DRC11: variants seen among roughly 807,000 people sequenced by gnomAD.
DRC11 encodes the protein IQ and AAA domain-containing protein 1.
the DRC11 span, among the ~76,000 whole-genome samples, chr2:236,487,525 A>G: frequency 6.6e-6 from 1 of 151,996 alleles, no homozygotes; most frequent in African/African-American, 2.4e-5. Flanking sequence ...AAAATGGGGC[A>G]CAAATCCATG....
the DRC11 span, among the ~76,000 whole-genome samples, chr2:236,373,201 CTCTT>C: frequency 6.7e-6 from 1 of 150,234 alleles, no homozygotes; most frequent in South Asian, 2.1e-4. Context: ...CTGGGTTTTA[CTCTT>C]TCTATTTTAT....
At chr2:236,427,425 G>GT in the DRC11 span, among the ~76,000 whole-genome samples, 2 of 152,096 alleles carry the variant, frequency 1.3e-5, no homozygotes, top group South Asian at 4.1e-4. The surrounding 1 kb of genome is among the most constrained non-coding windows in gnomAD (Gnocchi z 5.9). Flanking sequence ...TATTGGAAGG[G>GT]TTTTGATTAC....
the DRC11 span, among the ~76,000 whole-genome samples, chr2:236,381,131 G>C: frequency 6.6e-6 from 1 of 152,106 alleles, no homozygotes; most frequent in East Asian, 1.9e-4. The surrounding 1 kb of genome is among the most constrained non-coding windows in gnomAD (Gnocchi z 5.8). Flanking sequence ...GAGGTCTGAG[G>C]GAGCTTGTTC....
At chr2:236,404,971 C>T in the DRC11 span, among the ~76,000 whole-genome samples, 1 of 152,168 alleles carries the variant, frequency 6.6e-6, no homozygotes, top group African/African-American at 2.4e-5. Flanking sequence ...CAAAGCAGCT[C>T]TCTGGGGTCT....
chr2:236,360,340 T>C, the DRC11 span, among the ~76,000 whole-genome samples: 4 of 152,342 alleles, frequency 2.6e-5, no homozygotes, highest in East Asian at 7.7e-4. This position sits in a 1 kb window ranked among gnomAD's most constrained non-coding sequence, Gnocchi z 5.8. Flanking sequence ...TGAAAGTGTC[T>C]ACCTCATAGA....
the DRC11 span, among the ~76,000 whole-genome samples, chr2:236,413,245 T>C: frequency 5.9e-5 from 9 of 152,224 alleles, no homozygotes; most frequent in African/African-American, 2.2e-4. The surrounding 1 kb of genome is among the most constrained non-coding windows in gnomAD (Gnocchi z 4.0). Context: ...CCCCAGAGAA[T>C]GTTCCTTCCC....
the DRC11 span, among the ~76,000 whole-genome samples, chr2:236,500,275 C>T: frequency 0.12 from 18,987 of 152,078 alleles, 2,365 homozygotes; most frequent in East Asian, 0.33. This position sits in a 1 kb window ranked among gnomAD's most constrained non-coding sequence, Gnocchi z 6.3. Flanking sequence ...AAGTTACTGC[C>T]CAAAGTCACA....
chr2:236,389,299 C>T, the DRC11 span, among the ~76,000 whole-genome samples: 2 of 152,242 alleles, frequency 1.3e-5, no homozygotes, highest in Non-Finnish European at 2.9e-5. Flanking sequence ...GACTGCTGTG[C>T]TAGCAACCAG....
At chr2:236,462,685 A>C in the DRC11 span, among the ~76,000 whole-genome samples, 1 of 152,012 alleles carries the variant, frequency 6.6e-6, no homozygotes, top group Non-Finnish European at 1.5e-5. The surrounding 1 kb of genome is among the most constrained non-coding windows in gnomAD (Gnocchi z 6.4). Context: ...ACAAACAAAC[A>C]AACAAACAAA....
chr2:236,486,654 C>A, the DRC11 span, among the ~76,000 whole-genome samples: 1 of 152,160 alleles, frequency 6.6e-6, no homozygotes, highest in East Asian at 1.9e-4. The surrounding 1 kb of genome is among the most constrained non-coding windows in gnomAD (Gnocchi z 5.7). Context: ...ATGGATATAA[C>A]CCTGATCTCT....
chr2:236,454,267 C>G, the DRC11 span, among the ~76,000 whole-genome samples: 1 of 152,172 alleles, frequency 6.6e-6, no homozygotes, highest in Middle Eastern at 3.2e-3. The surrounding 1 kb of genome is among the most constrained non-coding windows in gnomAD (Gnocchi z 5.3). Flanking sequence ...CCTAGAGCTG[C>G]TGGATGTTCT....
chr2:236,319,348 C>T, the DRC11 span, among the ~76,000 whole-genome samples: 1 of 152,232 alleles, frequency 6.6e-6, no homozygotes, highest in African/African-American at 2.4e-5. This position sits in a 1 kb window ranked among gnomAD's most constrained non-coding sequence, Gnocchi z 6.7. Context: ...AGGGAGAACG[C>T]TGTGTGCTGA....
At chr2:236,467,853 G>T in the DRC11 span, among the ~76,000 whole-genome samples, 1 of 151,978 alleles carries the variant, frequency 6.6e-6, no homozygotes, top group Non-Finnish European at 1.5e-5. Flanking sequence ...AATTTTAAAC[G>T]AATTAGTTAA....
the DRC11 span, among the ~76,000 whole-genome samples, chr2:236,419,482 G>C: frequency 6.6e-6 from 1 of 152,212 alleles, no homozygotes; most frequent in Non-Finnish European, 1.5e-5. The surrounding 1 kb of genome is among the most constrained non-coding windows in gnomAD (Gnocchi z 4.8). Flanking sequence ...AGCAGCCTCA[G>C]TGTAGATGGA....
chr2:236,439,039 T>C, the DRC11 span, among the ~76,000 whole-genome samples: 6 of 150,142 alleles, frequency 4.0e-5, no homozygotes, highest in South Asian at 8.7e-4. Flanking sequence ...AGACACAACA[T>C]ACCAGAATCT....
the DRC11 span, among the ~76,000 whole-genome samples, chr2:236,357,174 A>G: frequency 8.8e-6 from 1 of 114,004 alleles, no homozygotes; most frequent in Non-Finnish European, 1.7e-5. Flanking sequence ...ATATCTATAT[A>G]TTATATATAT....
the DRC11 span, among the ~76,000 whole-genome samples, chr2:236,441,725 T>C: frequency 3.3e-5 from 5 of 152,342 alleles, no homozygotes; most frequent in African/African-American, 1.2e-4. Context: ...ATGAATGTTA[T>C]ATTTATTGTA....
chr2:236,357,771 G>A, the DRC11 span, among the ~76,000 whole-genome samples: 3 of 123,362 alleles, frequency 2.4e-5, no homozygotes, highest in Admixed American at 8.8e-5. Context: ...CATATACTAT[G>A]TAAATATATG....
chr2:236,407,668 T>C, the DRC11 span, among the ~76,000 whole-genome samples: 1 of 152,168 alleles, frequency 6.6e-6, no homozygotes. Context: ...GACTACACTT[T>C]CTTCTCAAGC....
Sources: gnomAD v4.1 joint callset for allele counts (sites outside exome capture counted in the v4.1 genomes callset) on GRCh38, gnomAD v4.1.1 for gene constraint, Gnocchi (gnomAD v3.1) non-coding constraint, MANE v1.5 for transcripts, NCBI Gene and HGNC (gene_info 2026-07-23, HGNC 2026-07-21) for gene names.